ZRANB3: variants seen among roughly 807,000 people sequenced by gnomAD.
ZRANB3 encodes zinc finger RANBP2-type containing 3.
ZRANB3 carries 125 observed loss-of-function variants against 133.8 expected under a neutral mutation model. The observed-to-expected ratio is 0.93, with a 90% CI of 0.81 to 1.08. The LOEUF is 1.08. ZRANB3 is among the 50% of genes least tolerant of loss of function. The pLI, the probability that ZRANB3 is intolerant of heterozygous loss-of-function variation, is 0.00. For synonymous variants in ZRANB3, 387 were observed against 432.7 expected (o/e 0.89, Z 1.31); for missense variants, 1,229 against 1,275.5 (o/e 0.96, Z 0.56).
chr2:135,396,515 C>T (rs557912380), intron 2 of ZRANB3, among the ~76,000 whole-genome samples: 36 of 152,238 alleles, frequency 2.4e-4, no homozygotes, highest in African/African-American at 7.7e-4. Context: ...TTTGCAACAA[C>T]ATGGGTGGAA....
intron 6 of ZRANB3, 65 bp downstream of exon 6, chr2:135,345,485 A>G: frequency 1.7e-6 from 2 of 1,145,880 alleles, no homozygotes; most frequent in Non-Finnish European, 2.5e-6. Flanking sequence ...AAAAAGAATG[A>G]TTAATAAAGC....
chr2:135,306,228 T>C (rs527806125), intron 8 of ZRANB3, among the ~76,000 whole-genome samples: 1 of 152,160 alleles, frequency 6.6e-6, no homozygotes, highest in Non-Finnish European at 1.5e-5. Context: ...ATTTGGACAC[T>C]TTATGGTATT....
intron 12 of ZRANB3, among the ~76,000 whole-genome samples, chr2:135,232,907 G>A (rs368185179): frequency 4.6e-5 from 7 of 152,322 alleles, no homozygotes; most frequent in Non-Finnish European, 7.3e-5. Context: ...CCAAAGGAAC[G>A]AGCTCCTCAC....
chr2:135,483,202 C>T (rs1384694612), intron 2 of ZRANB3, among the ~76,000 whole-genome samples: 1 of 151,714 alleles, frequency 6.6e-6, no homozygotes, highest in Non-Finnish European at 1.5e-5. Context: ...GTACCAGCTC[C>T]TCCTTGTACC....
chr2:135,312,524 T>C (rs1683045448), intron 8 of ZRANB3, among the ~76,000 whole-genome samples: 1 of 152,272 alleles, frequency 6.6e-6, no homozygotes, highest in East Asian at 1.9e-4. Context: ...ACCACAAATA[T>C]ATGATAAGTT....
At position 135,513,251 on chromosome 2, in the gene ZRANB3, G is replaced by A. The variant is rs115786305; in HGVS notation, c.-7-8755C>T. 7.1e-3 allele frequency among the ~76,000 whole-genome samples: 1,083 copies of A among 152,228 alleles called. 17 individuals carry two copies. Among genetic ancestry groups the A allele is most frequent in the African/African-American group, 0.025 (1,027 of 41,536 alleles). ...ATGGAAATGCAAGGAACCCAGAATA[G>A]CCAAAACAATCTTGAAAATGAACAA... is the stretch of plus-strand genomic sequence containing the variant. On this transcript the variant is annotated intron_variant, in intron 1 of 20. Coordinates refer to ENST00000264159, the MANE Select transcript of ZRANB3 (RefSeq NM_032143.4).
In ZRANB3 at chr2:135,227,934, T is replaced by G; in HGVS notation, c.2036A>C (p.Gln679Pro). Residue 679 changes from glutamine (Q) to proline (P), a missense_variant, in exon 14 of 21, where the codon CAA becomes CCA. Physicochemically the swap from Gln to Pro is moderately conservative, Grantham distance 76. Transcript: ENST00000264159. ...TTGTTTTTCACAGTCTGAGATAGTT[T>G]GAACCTTTTTGGAGGTGTCTTTCTG... The part of the protein sequence containing the change: ...DSQKDTSKKV[Q>P]TISDCEKQAL... 1 of 1,554,070 alleles carries G rather than the reference T, an allele frequency of 6.4e-7. No homozygotes were observed. The highest frequency in any genetic ancestry group is 8.7e-7 in the Non-Finnish European group (1 of 1,147,828).
rs151113955 is a variant in ZRANB3, at chr2:135,466,186, C to T, written c.161+38143G>A. Among the ~76,000 whole-genome samples, 454 of 151,988 alleles carry T rather than the reference C, an allele frequency of 3.0e-3. 2 individuals carry two copies. The highest frequency in any genetic ancestry group is 0.01 in the African/African-American group (430 of 41,498). ...TCACCTGAGGTCAGGAGTTTGAGAC[C>T]AGCCTGGCCAACATGGTGAAACATT... On this transcript the variant is annotated intron_variant, in intron 2 of 20. Transcript: ENST00000264159.
rs1047260062 is a variant in ZRANB3, at chr2:135,246,905, C to T, written c.1540-15978G>A. ...ATAGCAAACTACTGGTCTTTACAGA[C>T]AAATCCCCTGGCTATGATGATAGGA... On this transcript the variant is annotated intron_variant, in intron 12 of 20. Coordinates refer to ENST00000264159, the MANE Select transcript of ZRANB3 (RefSeq NM_032143.4). 2.4e-4 allele frequency among the ~76,000 whole-genome samples: 37 copies of T among 152,218 alleles called. No individual in the cohort carries two copies. The East Asian group carries it at 3.5e-3, about 14-fold the overall frequency.
intron 1 of ZRANB3, among the ~76,000 whole-genome samples, chr2:135,528,709 A>C (rs1018378312): frequency 4.0e-4 from 61 of 152,298 alleles, no homozygotes; most frequent in African/African-American, 1.4e-3. Context: ...GAATATCCTA[A>C]TTGCATTAAA....
chr2:135,212,579 G>A (rs1252504393), intron 17 of ZRANB3, among the ~76,000 whole-genome samples: 2 of 152,222 alleles, frequency 1.3e-5, no homozygotes, highest in East Asian at 1.9e-4. Flanking sequence ...TCCAAAAAAC[G>A]GAGCTGACAA....
chr2:135,227,756 T>G, intron 14 of ZRANB3, 56 bp downstream of exon 14: 2 of 1,488,094 alleles, frequency 1.3e-6, no homozygotes, highest in Middle Eastern at 1.7e-4. Context: ...ATAACAGTAT[T>G]ATGTGTGAAA....
At chr2:135,308,127 G>T in intron 8 of ZRANB3, among the ~76,000 whole-genome samples, 1 of 152,056 alleles carries the variant, frequency 6.6e-6, no homozygotes, top group East Asian at 1.9e-4. Context: ...GGACTTTCTT[G>T]GTGTTCCTGT....
At chr2:135,288,211 T>G (rs1045162290) in intron 8 of ZRANB3, among the ~76,000 whole-genome samples, 1 of 152,236 alleles carries the variant, frequency 6.6e-6, no homozygotes, top group Non-Finnish European at 1.5e-5. Flanking sequence ...TTGTTTTTAA[T>G]TCTATTTAGG....
chr2:135,286,771 A>T (rs545957567), intron 8 of ZRANB3, among the ~76,000 whole-genome samples: 57 of 151,382 alleles, frequency 3.8e-4, no homozygotes, highest in African/African-American at 7.8e-4. Flanking sequence ...TATTATTATT[A>T]TTTTTTTCTT....
chr2:135,400,414 C>T (rs1004513655), intron 2 of ZRANB3, among the ~76,000 whole-genome samples: 3 of 151,774 alleles, frequency 2.0e-5, no homozygotes, highest in East Asian at 1.9e-4. Flanking sequence ...GGCATGATCT[C>T]GGTTCACTGC....
intron 6 of ZRANB3, among the ~76,000 whole-genome samples, chr2:135,340,185 A>C (rs1387947008): frequency 6.6e-6 from 1 of 150,468 alleles, no homozygotes; most frequent in Admixed American, 6.6e-5. Flanking sequence ...GGCTCACTAC[A>C]ACCTCCGCCT....
intron 2 of ZRANB3, among the ~76,000 whole-genome samples, chr2:135,414,550 C>A (rs1470474008): frequency 1.3e-5 from 2 of 152,100 alleles, no homozygotes; most frequent in African/African-American, 4.8e-5. Context: ...CTCAATGAGA[C>A]AGAAAGTTAA....
At chr2:135,417,190 G>C (rs1247677210) in intron 2 of ZRANB3, among the ~76,000 whole-genome samples, 1 of 151,592 alleles carries the variant, frequency 6.6e-6, no homozygotes. Flanking sequence ...AGAATGGGAG[G>C]AAATTTTTGC....
Sources: allele counts gnomAD v4.1 joint callset (sites outside exome capture counted in the v4.1 genomes callset), GRCh38; gene constraint gnomAD v4.1.1; transcripts MANE v1.5; gene names NCBI Gene and HGNC (gene_info 2026-07-23, HGNC 2026-07-21).